Variants in BANK1 observed in about 807,000 individuals in gnomAD.
The protein encoded by BANK1 is B-cell scaffold protein with ankyrin repeats.
In BANK1, 95 loss-of-function variants were observed where a neutral mutation model predicts 94.5. The observed-to-expected ratio is 1.00, with a 90% CI of 0.85 to 1.19. The LOEUF (loss-of-function observed/expected upper bound fraction) is 1.19. BANK1 is among the 50% of genes most tolerant of loss of function. The pLI is 0.00. For synonymous variants in BANK1, 334 were observed against 308.4 expected (o/e 1.08, Z -0.87); for missense variants, 987 against 932.2 (o/e 1.06, Z -0.77).
intron 7 of BANK1, among the ~76,000 whole-genome samples, chr4:101,983,266 A>G (rs958153214): frequency 1.3e-5 from 2 of 152,098 alleles, no homozygotes; most frequent in African/African-American, 4.8e-5. Flanking sequence ...ACATTTAGCC[A>G]TATTATATGC....
At chr4:101,874,062 C>T (rs1728399012) in intron 5 of BANK1, among the ~76,000 whole-genome samples, 1 of 152,092 alleles carries the variant, frequency 6.6e-6, no homozygotes, top group Non-Finnish European at 1.5e-5. Flanking sequence ...AGTTATATTG[C>T]TTATTAGTAA....
chr4:101,815,098 G>C (rs2148856248), intron 1 of BANK1, among the ~76,000 whole-genome samples: 1 of 152,180 alleles, frequency 6.6e-6, no homozygotes, highest in East Asian at 1.9e-4. Context: ...GTTGATAATT[G>C]GCTCAAATGG....
chr4:101,941,548 A>G (rs1723740966), intron 7 of BANK1, among the ~76,000 whole-genome samples: 1 of 151,846 alleles, frequency 6.6e-6, no homozygotes, highest in Admixed American at 6.6e-5. Flanking sequence ...ACAGTTGTGG[A>G]AACCTACAAG....
chr4:102,052,432 A>G (rs1728083822), intron 11 of BANK1, among the ~76,000 whole-genome samples: 1 of 152,146 alleles, frequency 6.6e-6, no homozygotes, highest in Non-Finnish European at 1.5e-5. Flanking sequence ...AGATGAGAAC[A>G]AACAAGTAAT....
At chr4:101,895,531 A>T in intron 6 of BANK1, 121 bp downstream of exon 6, 2 of 578,392 alleles carry the variant, frequency 3.5e-6, no homozygotes, top group South Asian at 4.6e-5. Context: ...GATTTAGACA[A>T]CTCCTGACTC....
In BANK1 at chr4:101,856,487, C is replaced by T. The variant is rs556300660; in HGVS notation, c.624+1298C>T. Among the ~76,000 whole-genome samples, 6 of 152,238 alleles carry T rather than the reference C, an allele frequency of 3.9e-5. No individual in the cohort carries two copies. The East Asian group carries it at 1.2e-3, about 29-fold the overall frequency. On this transcript the variant is annotated intron_variant, in intron 3 of 16. Coordinates refer to ENST00000322953, the MANE Select transcript of BANK1 (RefSeq NM_017935.5). The stretch of plus-strand genomic sequence containing the variant: ...AAGTGTAATAAAAGAAAAATGGCAA[C>T]TACTCTCAAGTAGATGAAATCAAAG...
intron 1 of BANK1, among the ~76,000 whole-genome samples, chr4:101,822,234 G>A (rs1452080328): frequency 1.3e-5 from 2 of 151,942 alleles, no homozygotes; most frequent in Non-Finnish European, 2.9e-5. Context: ...ACTTGGCATG[G>A]TGGTGCATAC....
At chr4:102,051,934 T>C (rs1053620825) in intron 11 of BANK1, among the ~76,000 whole-genome samples, 6 of 152,128 alleles carry the variant, frequency 3.9e-5, no homozygotes, top group African/African-American at 1.2e-4. Flanking sequence ...GTCCCGCCTC[T>C]ATCGTGGCAG....
chr4:101,904,224 TTA>T (rs1288577960), intron 6 of BANK1, among the ~76,000 whole-genome samples: 6 of 152,190 alleles, frequency 3.9e-5, no homozygotes, highest in Non-Finnish European at 8.8e-5. Flanking sequence ...TTTTTTGGAA[TTA>T]TAGCAGGAGA....
At chr4:101,838,616 C>T (rs753640774) in intron 2 of BANK1, among the ~76,000 whole-genome samples, 8 of 152,156 alleles carry the variant, frequency 5.3e-5, no homozygotes, top group Non-Finnish European at 1.2e-4. Context: ...CAAAATTTTA[C>T]TGTCTCTTAT....
chr4:101,994,198 CTAAGTTTTGTTAAAT>C (rs562684740), intron 7 of BANK1, among the ~76,000 whole-genome samples: 5 of 152,270 alleles, frequency 3.3e-5, no homozygotes, highest in Non-Finnish European at 5.9e-5. Flanking sequence ...AGGAACATAT[CTAAGTTTTGTTAAAT>C]TCCAATTAAA....
At chr4:101,848,939 T>C (rs1727356718) in intron 2 of BANK1, among the ~76,000 whole-genome samples, 1 of 152,186 alleles carries the variant, frequency 6.6e-6, no homozygotes, top group African/African-American at 2.4e-5. Flanking sequence ...CCCCAAGTTC[T>C]AGCTGCATCA....
At chr4:101,911,877 C>A (rs566671099) in intron 6 of BANK1, among the ~76,000 whole-genome samples, 2 of 152,248 alleles carry the variant, frequency 1.3e-5, no homozygotes, top group African/African-American at 2.4e-5. Context: ...GACCAACACA[C>A]AAATTGTAGG....
chr4:101,803,748 A>G (rs969913914), intron 1 of BANK1, among the ~76,000 whole-genome samples: 4 of 152,170 alleles, frequency 2.6e-5, no homozygotes, highest in African/African-American at 4.8e-5. Context: ...CTGTAATCCC[A>G]GCACTTTGGG....
chr4:101,869,084 A>G (rs757817221), intron 4 of BANK1, among the ~76,000 whole-genome samples: 6 of 151,856 alleles, frequency 4.0e-5, no homozygotes, highest in Non-Finnish European at 8.9e-5. Flanking sequence ...ACTCTGTATC[A>G]AAAAACTACC....
In BANK1 at chr4:102,068,847, TA is replaced by T. The variant is rs747963546; in HGVS notation, c.2213-2426del. Among the ~76,000 whole-genome samples, 238 of 150,654 alleles carry T rather than the reference TA, an allele frequency of 1.6e-3. 1 individual carries two copies. Among genetic ancestry groups the T allele is most frequent in the Non-Finnish European group, 1.7e-3 (117 of 67,628 alleles). ...CATCTCAAAAAAAAAAAAAAGATAC[TA>T]AGAAAATATGTAGTTAACTTTCTGC... On this transcript the variant is annotated intron_variant, in intron 13 of 16. Coordinates refer to ENST00000322953, the MANE Select transcript of BANK1 (RefSeq NM_017935.5).
At chr4:102,013,204 A>G (rs566017790) in intron 7 of BANK1, among the ~76,000 whole-genome samples, 2 of 152,274 alleles carry the variant, frequency 1.3e-5, no homozygotes, top group East Asian at 3.9e-4. Flanking sequence ...AGATTCGTGT[A>G]TTGAGCCAAG....
intron 8 of BANK1, 41 bp from the exon 9 acceptor site, chr4:102,025,160 G>A (rs1727039708): frequency 6.3e-7 from 1 of 1,586,688 alleles, no homozygotes; most frequent in Non-Finnish European, 8.6e-7. Context: ...GCCTTCAGAT[G>A]GTGTGTTTAA....
intron 6 of BANK1, among the ~76,000 whole-genome samples, chr4:101,898,670 A>G (rs1206234996): frequency 1.3e-5 from 2 of 152,050 alleles, no homozygotes; most frequent in Non-Finnish European, 2.9e-5. Flanking sequence ...GAAATGCTAT[A>G]TCAACCAAAA....
Sources: allele counts gnomAD v4.1 joint callset (sites outside exome capture counted in the v4.1 genomes callset), GRCh38; gene constraint gnomAD v4.1.1; transcripts MANE v1.5; gene names NCBI Gene and HGNC (gene_info 2026-07-23, HGNC 2026-07-21).